The following KCNH7 variants were observed in gnomAD, a reference collection of about 807,000 sequenced individuals.
KCNH7 encodes the protein voltage-gated inwardly rectifying potassium channel KCNH7.
In KCNH7, 49 loss-of-function variants were observed where a neutral mutation model predicts 120.8. The observed-to-expected ratio is 0.41, with a 90% CI of 0.32 to 0.51. KCNH7 has a LOEUF of 0.51. Ranked by LOEUF, KCNH7 falls within the 20% of genes least tolerant of loss-of-function variation. KCNH7 has a pLI of 0.38. For synonymous variants in KCNH7, 547 were observed against 516.1 expected (o/e 1.06, Z -0.81); for missense variants, 1,097 against 1,446.6 (o/e 0.76, Z 3.92).
chr2:162,715,443 G>T (rs1687083031), intron 2 of KCNH7, among the ~76,000 whole-genome samples: 1 of 152,122 alleles, frequency 6.6e-6, no homozygotes, highest in South Asian at 2.1e-4. Context: ...TGAGATTTGG[G>T]TGGGGACAAA....
rs182885824 is a variant in KCNH7 at position 162,431,930 on chromosome 2, A to G, written c.1954+3268T>C. Among the ~76,000 whole-genome samples the G allele has an allele frequency of 1.1e-3, 163 of 152,094 alleles. 3 individuals carry two copies. The highest frequency in any genetic ancestry group is 0.01 in the Admixed American group (153 of 15,244). On this transcript the variant is annotated intron_variant, in intron 8 of 15. Transcript: ENST00000332142. ...CAAGTAAAGAACTGAGCTATCTTCA[A>G]TTTTAAAAAATCCACATGATAAATA...
intron 7 of KCNH7, among the ~76,000 whole-genome samples, chr2:162,437,686 G>T (rs1573957984): frequency 6.6e-6 from 1 of 152,200 alleles, no homozygotes; most frequent in East Asian, 1.9e-4. Flanking sequence ...CAGAGTTATA[G>T]ATAATACCCA....
At chr2:162,537,211 G>T in intron 2 of KCNH7, 131 bp from the exon 3 acceptor site, 2 of 665,642 alleles carry the variant, frequency 3.0e-6, no homozygotes, top group Non-Finnish European at 4.7e-6. Flanking sequence ...AAAATAATTT[G>T]ATCTTTTTTA....
rs771641922 is a variant in KCNH7 at position 162,635,170 on chromosome 2, A to G, written c.308-98090T>C. Among the ~76,000 whole-genome samples, 68 of 152,094 alleles carry G rather than the reference A, an allele frequency of 4.5e-4. 1 individual carries two copies. Among genetic ancestry groups the G allele is most frequent in the Non-Finnish European group, 8.8e-4 (60 of 67,992 alleles). ...ATTTAGCATATCTGACCCAGAGGTC[A>G]TAATCTGCAGTTGCTTTATAATTTC... is the stretch of plus-strand genomic sequence containing the variant. On this transcript the variant is annotated intron_variant, in intron 2 of 15. Coordinates refer to ENST00000332142, the MANE Select transcript of KCNH7 (RefSeq NM_033272.4).
intron 6 of KCNH7, among the ~76,000 whole-genome samples, chr2:162,454,173 G>A (rs1225614078): frequency 6.6e-6 from 1 of 152,122 alleles, no homozygotes; most frequent in Admixed American, 6.5e-5. Context: ...TTCTGCATAT[G>A]GCTAGCCAGT....
chr2:162,784,657 C>A (rs967378142), intron 2 of KCNH7: 7 of 152,050 alleles, frequency 4.6e-5, no homozygotes, highest in South Asian at 2.1e-4. Flanking sequence ...GCAAACTTGG[C>A]AAATTTGGAC....
chr2:162,455,265 T>C (rs1217058097), intron 6 of KCNH7, among the ~76,000 whole-genome samples: 1 of 152,184 alleles, frequency 6.6e-6, no homozygotes, highest in African/African-American at 2.4e-5. Context: ...TGAACCAGCC[T>C]TGCGTCCCAG....
chr2:162,513,244 CCCTTCCCTCTTTCCCTCCTTCCTTCCCT>C (rs1160656768), intron 4 of KCNH7, among the ~76,000 whole-genome samples: 3,725 of 126,366 alleles, frequency 0.029, 235 homozygotes, highest in Admixed American at 0.17. Context: ...CTCCCTTTCT[CCCTTCCCTCTTTCCCTCCTTCCTTCCCT>C]CCTTCCCTCC....
intron 6 of KCNH7, among the ~76,000 whole-genome samples, chr2:162,477,425 T>G (rs992700880): frequency 1.3e-5 from 2 of 152,178 alleles, no homozygotes; most frequent in Non-Finnish European, 2.9e-5. Flanking sequence ...TTTCCAGTTC[T>G]TAGGCAAGCC....
chr2:162,795,438 C>T (rs1684110137), intron 2 of KCNH7: 1 of 151,926 alleles, frequency 6.6e-6, no homozygotes, highest in Admixed American at 6.6e-5. Flanking sequence ...AATGTATCTT[C>T]TCTGGTTAAA....
chr2:162,682,135 A>G (rs989491611), intron 2 of KCNH7, among the ~76,000 whole-genome samples: 5 of 151,718 alleles, frequency 3.3e-5, no homozygotes, highest in Admixed American at 2.0e-4. Context: ...TCCAATGCAC[A>G]GAAATTTCAT....
chr2:162,709,001 A>G (rs1340297479), intron 2 of KCNH7, among the ~76,000 whole-genome samples: 1 of 152,104 alleles, frequency 6.6e-6, no homozygotes, highest in Non-Finnish European at 1.5e-5. Context: ...TACAAATGAA[A>G]GAATCAAGGT....
At chr2:162,700,209 C>T (rs1686444975) in intron 2 of KCNH7, among the ~76,000 whole-genome samples, 1 of 152,092 alleles carries the variant, frequency 6.6e-6, no homozygotes. Context: ...TGAGGGGGCA[C>T]ATAACCCCCC....
chr2:162,466,883 T>C (rs1273985690), intron 6 of KCNH7, among the ~76,000 whole-genome samples: 2 of 152,072 alleles, frequency 1.3e-5, no homozygotes, highest in Non-Finnish European at 2.9e-5. Flanking sequence ...TAAAATAGAA[T>C]AGGAAATGAT....
At chr2:162,378,309 G>A (rs1686286871) in intron 14 of KCNH7, among the ~76,000 whole-genome samples, 1 of 152,192 alleles carries the variant, frequency 6.6e-6, no homozygotes, top group African/African-American at 2.4e-5. Flanking sequence ...AACTCATTAA[G>A]TAGCAGACTT....
chr2:162,378,451 CA>C (rs1686291342), intron 14 of KCNH7, among the ~76,000 whole-genome samples: 1 of 152,016 alleles, frequency 6.6e-6, no homozygotes, highest in Admixed American at 6.6e-5. Context: ...AAAATGCACA[CA>C]AAAATTTAAG....
intron 6 of KCNH7, among the ~76,000 whole-genome samples, chr2:162,451,349 A>T (rs1022174557): frequency 3.9e-5 from 6 of 152,132 alleles, no homozygotes; most frequent in Admixed American, 2.6e-4. Flanking sequence ...TATCCAAAAT[A>T]TTTAAAAACT....
chr2:162,694,498 G>T (rs993143367), intron 2 of KCNH7, among the ~76,000 whole-genome samples: 1 of 151,906 alleles, frequency 6.6e-6, no homozygotes, highest in Non-Finnish European at 1.5e-5. Context: ...GTGTGTGTGT[G>T]TGTGTGTGAT....
chr2:162,522,735 A>G (rs1044923605), intron 3 of KCNH7, among the ~76,000 whole-genome samples: 3 of 151,890 alleles, frequency 2.0e-5, no homozygotes, highest in Non-Finnish European at 2.9e-5. Flanking sequence ...ATACTTTTAC[A>G]CATTTCCAGA....
Sources: allele counts gnomAD v4.1 joint callset (sites outside exome capture counted in the v4.1 genomes callset), GRCh38; gene constraint gnomAD v4.1.1; transcripts MANE v1.5; gene names NCBI Gene and HGNC (gene_info 2026-07-23, HGNC 2026-07-21).